The following IMPA1 variants were observed in gnomAD, a reference collection of about 807,000 sequenced individuals.
The protein encoded by IMPA1 is D-galactose 1-phosphate phosphatase.
IMPA1 carries 21 observed loss-of-function variants against 34.9 expected under a neutral mutation model. That is an observed-to-expected ratio of 0.60 (90% CI 0.43 to 0.87). The LOEUF (loss-of-function observed/expected upper bound fraction) is 0.87, where lower values mean the gene tolerates loss of function less well. IMPA1 is among the 40% of genes least tolerant of loss of function. The pLI, the probability that IMPA1 is intolerant of heterozygous loss-of-function variation, is 0.00. For missense variants in IMPA1, 299 were observed against 336.4 expected, an observed-to-expected ratio of 0.89 and a Z score of 0.87; for synonymous variants, 95 against 104.4, an observed-to-expected ratio of 0.91 and a Z score of 0.55.
chr8:81,661,070 A>G (rs1234086707), intron 7 of IMPA1, among the ~76,000 whole-genome samples: 1 of 152,158 alleles, frequency 6.6e-6, no homozygotes, highest in African/African-American at 2.4e-5. Flanking sequence ...ATATCATGGT[A>G]TGGGTCATTT....
chr8:81,664,080 A>C (rs1806752585), intron 7 of IMPA1, among the ~76,000 whole-genome samples: 1 of 152,154 alleles, frequency 6.6e-6, no homozygotes, highest in South Asian at 2.1e-4. Context: ...TATAGCATTA[A>C]CTATATTAAA....
At chr8:81,669,932 T>C (rs1175252189) in intron 7 of IMPA1, among the ~76,000 whole-genome samples, 1 of 152,166 alleles carries the variant, frequency 6.6e-6, no homozygotes, top group African/African-American at 2.4e-5. Flanking sequence ...CTGGTGGCTT[T>C]ATAAAGAGAA....
At chr8:81,666,549 G>T (rs940720785) in intron 7 of IMPA1, among the ~76,000 whole-genome samples, 1 of 152,114 alleles carries the variant, frequency 6.6e-6, no homozygotes, top group African/African-American at 2.4e-5. Context: ...ATAAAAGGGT[G>T]GACAAAGATT....
chr8:81,683,568 G>A (rs1189020559), intron 1 of IMPA1, among the ~76,000 whole-genome samples: 1 of 152,174 alleles, frequency 6.6e-6, no homozygotes, highest in African/African-American at 2.4e-5. Context: ...ACAGTCTACT[G>A]AAACAGGGAG....
Position 81,659,367 on chromosome 8 carries a change from C to T in IMPA1, c.818G>A (p.Arg273Gln), listed in dbSNP as rs755994131. 3.1e-6 allele frequency: 5 copies of T among 1,600,620 alleles called. No homozygotes were observed. The South Asian group carries it at 3.3e-5, about 11-fold the overall frequency. Residue 273 changes from arginine to glutamine, a missense_variant, in exon 9 of 9, where the codon CGA (arginine) becomes CAA (glutamine). Coordinates refer to ENST00000256108, the MANE Select transcript of IMPA1 (RefSeq NM_005536.4). ...AKEIQVIPLQRDDED is the reference protein window; with the variant it reads ...AKEIQVIPLQQDDED ...CTGCCTTAATTAATCTTCGTCGTCT[C>T]GTTGCAAAGGTATAACCTGAATTTC...
chr8:81,674,773 C>T (rs1257865664), intron 5 of IMPA1: 1 of 455,034 alleles, frequency 2.2e-6, no homozygotes, highest in Non-Finnish European at 4.4e-6. Context: ...TTACAGTCCA[C>T]AAATTCATTT....
intron 6 of IMPA1, among the ~76,000 whole-genome samples, chr8:81,672,821 T>A (rs1357935074): frequency 6.6e-6 from 1 of 152,156 alleles, no homozygotes; most frequent in Non-Finnish European, 1.5e-5. Flanking sequence ...TTTAACGGGC[T>A]TTTTTTCCAC....
chr8:81,667,498 GA>G (rs1365980838), intron 7 of IMPA1, among the ~76,000 whole-genome samples: 1 of 152,050 alleles, frequency 6.6e-6, no homozygotes, highest in East Asian at 1.9e-4. Context: ...GGGTGATGCT[GA>G]TTAACAAACA....
chr8:81,676,641 C>T (rs572528517), intron 4 of IMPA1, among the ~76,000 whole-genome samples: 2 of 152,250 alleles, frequency 1.3e-5, no homozygotes, highest in Non-Finnish European at 2.9e-5. Flanking sequence ...TTTTGCACTG[C>T]GTTTTCTATC....
At chr8:81,685,768 T>C (rs755180363) in intron 1 of IMPA1, 7 of 1,529,504 alleles carry the variant, frequency 4.6e-6, no homozygotes, top group Non-Finnish European at 6.2e-6. Context: ...CTCACTTTCA[T>C]TTTCCCAAAG....
At position 81,686,276 on chromosome 8, in the gene IMPA1, G is replaced by C. The variant is rs967685497; in HGVS notation, c.-49C>G. On this transcript the variant is annotated 5_prime_UTR_variant, in exon 1 of 9. Transcript: ENST00000256108. ...CCTTGAGTCGGAGGACGTCCGGCTA[G>C]CTCTGTGAACGGTGTTACCGCACTC... is the stretch of plus-strand genomic sequence containing the variant. The C allele has an allele frequency of 2.0e-6, 2 of 998,468 alleles. No individual in the cohort carries two copies. Among genetic ancestry groups the C allele is most frequent in the Non-Finnish European group, 2.4e-6 (2 of 837,666 alleles). The allele number at this position is 998,468 out of a possible 1,614,324, so 61.9% of individuals were successfully genotyped here. A position where few individuals can be genotyped will look rare whatever the true frequency, so the allele number is the denominator to read the frequency against.
chr8:81,671,607 G>A (rs571626938), intron 6 of IMPA1, among the ~76,000 whole-genome samples: 6 of 152,204 alleles, frequency 3.9e-5, no homozygotes, highest in African/African-American at 1.2e-4. Context: ...TAATAGTTAC[G>A]TAATTTAGGG....
intron 6 of IMPA1, among the ~76,000 whole-genome samples, chr8:81,673,498 C>T (rs1807047335): frequency 6.6e-6 from 1 of 152,170 alleles, no homozygotes; most frequent in African/African-American, 2.4e-5. Flanking sequence ...GTCGTCAGGA[C>T]CTCCTGAGGC....
chr8:81,679,080 C>T, intron 4 of IMPA1, 46 bp downstream of exon 4: 4 of 1,231,180 alleles, frequency 3.2e-6, no homozygotes, highest in East Asian at 2.3e-5. Flanking sequence ...TAGGTCAATC[C>T]AGTTAATATG....
chr8:81,681,364 A>G (rs1384773931), intron 2 of IMPA1, 134 bp downstream of exon 2: 3 of 622,450 alleles, frequency 4.8e-6, no homozygotes, highest in Admixed American at 5.2e-5. Flanking sequence ...CTGCCACTAC[A>G]TTCCAGCTTG....
chr8:81,685,282 TA>T (rs1563593299), intron 1 of IMPA1, among the ~76,000 whole-genome samples: 39 of 134,182 alleles, frequency 2.9e-4, no homozygotes, highest in African/African-American at 9.8e-4. Context: ...ATATAGTATA[TA>T]TAGTATATAT....
chr8:81,684,646 A>T (rs938443502), intron 1 of IMPA1, among the ~76,000 whole-genome samples: 1 of 136,352 alleles, frequency 7.3e-6, no homozygotes, highest in Non-Finnish European at 1.6e-5. Flanking sequence ...TATACTACAC[A>T]TAAGTATATA....
intron 4 of IMPA1, among the ~76,000 whole-genome samples, chr8:81,677,775 C>T (rs1473123758): frequency 1.3e-5 from 2 of 152,084 alleles, no homozygotes; most frequent in Non-Finnish European, 2.9e-5. Flanking sequence ...AAAGATATAA[C>T]ATTCTATCAC....
chr8:81,681,553 T>G lies in IMPA1; in HGVS notation c.8A>C (p.Asp3Ala), dbSNP rs1349404334. MA[D>A]PWQECMDYAV... is the part of the protein sequence containing the mutation. Reference sequence around the variant, plus strand: ...ATAATCCATGCATTCCTGCCAAGGATCAGCCATCTTCTGAAAATATTTGAC... The same window carrying G: ...ATAATCCATGCATTCCTGCCAAGGAGCAGCCATCTTCTGAAAATATTTGAC... Residue 3 changes from aspartate (D) to alanine (A), a missense_variant, in exon 2 of 9, where the codon GAT becomes GCT. Physicochemically the swap from Asp to Ala is moderately radical, Grantham distance 126 (BLOSUM62 -2). Transcript: ENST00000256108. 6.2e-7 allele frequency: 1 copy of G among 1,606,494 alleles called. No homozygotes were observed. Among genetic ancestry groups the G allele is most frequent in the East Asian group, 2.2e-5 (1 of 44,842 alleles).
Sources: gnomAD v4.1 joint callset for allele counts (sites outside exome capture counted in the v4.1 genomes callset) on GRCh38, gnomAD v4.1.1 for gene constraint, MANE v1.5 for transcripts, NCBI Gene and HGNC (gene_info 2026-07-23, HGNC 2026-07-21) for gene names.